Variants in DPH6 observed in about 807,000 individuals in gnomAD.
The protein encoded by DPH6 is diphthamine biosynthesis 6.
DPH6 carries 33 observed loss-of-function variants against 38.2 expected under a neutral mutation model. The ratio of observed to expected loss-of-function variants is 0.86; its 90% CI spans 0.65 to 1.15. DPH6 has a LOEUF of 1.15. Ranked by LOEUF, DPH6 falls within the 50% of genes most tolerant of loss-of-function variation. The pLI is 0.00. For missense variants in DPH6, 325 were observed against 320.0 expected (o/e 1.02, Z -0.12); for synonymous variants, 108 against 103.0 (o/e 1.05, Z -0.30).
intron 3 of DPH6, among the ~76,000 whole-genome samples, chr15:35,461,230 C>G (rs1053468763): frequency 4.6e-5 from 7 of 152,282 alleles, no homozygotes; most frequent in Non-Finnish European, 1.0e-4. Context: ...ACTACAGGCG[C>G]GTGCCACCAT....
At chr15:35,423,233 C>A (rs2053528106) in intron 5 of DPH6, among the ~76,000 whole-genome samples, 1 of 151,656 alleles carries the variant, frequency 6.6e-6, no homozygotes, top group Non-Finnish European at 1.5e-5. Flanking sequence ...TTCTGATACT[C>A]ATTCTAACAG....
intron 3 of DPH6, among the ~76,000 whole-genome samples, chr15:35,249,719 A>C (rs1454279474): frequency 6.6e-6 from 1 of 152,172 alleles, no homozygotes; most frequent in Non-Finnish European, 1.5e-5. Context: ...TTAGTTCTGA[A>C]TTTGAAGCTG....
chr15:35,491,681 G>T lies in DPH6; in HGVS notation c.313-36861C>A, dbSNP rs534538053. Among the ~76,000 whole-genome samples the T allele has an allele frequency of 1.3e-4, 19 of 147,408 alleles. No homozygotes were observed. In the South Asian group the frequency reaches 2.2e-3, roughly 17 times the overall value. On this transcript the variant is annotated intron_variant, in intron 3 of 8. Transcript: ENST00000256538. The stretch of plus-strand genomic sequence containing the variant: ...TATAGATCTAAAAAGAGATTTATGT[G>T]TATGTATATACACACATATAAATAT...
At chr15:35,372,330 A>G (rs1184105777) in intron 8 of DPH6, 127 bp from the exon 9 acceptor site, 6 of 788,050 alleles carry the variant, frequency 7.6e-6, no homozygotes, top group Non-Finnish European at 9.0e-6. Flanking sequence ...TATTTCAGGT[A>G]ACAGTATTGC....
At chr15:35,189,175 G>A in the DPH6 span, among the ~76,000 whole-genome samples, 1 of 152,078 alleles carries the variant, frequency 6.6e-6, no homozygotes, top group African/African-American at 2.4e-5. Context: ...ATAGCTTTAT[G>A]CTACAAGTGA....
At chr15:35,445,378 A>G (rs2053838223) in intron 5 of DPH6, among the ~76,000 whole-genome samples, 1 of 138,522 alleles carries the variant, frequency 7.2e-6, no homozygotes, top group Non-Finnish European at 1.5e-5. Flanking sequence ...AATTAGTAAT[A>G]GTCAAATCAT....
At chr15:35,377,686 T>C (rs2052799905) in intron 7 of DPH6, among the ~76,000 whole-genome samples, 1 of 152,134 alleles carries the variant, frequency 6.6e-6, no homozygotes, top group Non-Finnish European at 1.5e-5. Context: ...AATGACTTCA[T>C]CTGTCAATAG....
chr15:35,209,417 G>A, the DPH6 span, among the ~76,000 whole-genome samples: 1 of 151,970 alleles, frequency 6.6e-6, no homozygotes, highest in East Asian at 1.9e-4. Flanking sequence ...GATACCTGTG[G>A]GATAACTAAA....
At chr15:35,155,566 G>A in the DPH6 span, among the ~76,000 whole-genome samples, 1 of 152,192 alleles carries the variant, frequency 6.6e-6, no homozygotes, top group African/African-American at 2.4e-5. Flanking sequence ...AAGGGCAAAG[G>A]GAGACTACGC....
At chr15:35,279,566 G>A (rs534799551) in intron 3 of DPH6, among the ~76,000 whole-genome samples, 1 of 152,172 alleles carries the variant, frequency 6.6e-6, no homozygotes, top group South Asian at 2.1e-4. Flanking sequence ...CTGAGTTAAT[G>A]CAAGACCTGG....
intron 3 of DPH6, among the ~76,000 whole-genome samples, chr15:35,534,620 C>A (rs531108308): frequency 6.6e-6 from 1 of 151,500 alleles, no homozygotes; most frequent in South Asian, 2.1e-4. Context: ...ACAGAACATA[C>A]AACAAAAAGA....
intron 3 of DPH6, among the ~76,000 whole-genome samples, chr15:35,494,358 T>C (rs1306553172): frequency 6.6e-6 from 1 of 152,128 alleles, no homozygotes; most frequent in African/African-American, 2.4e-5. Flanking sequence ...TGTTTTCAAG[T>C]ATCAAACTTC....
In DPH6 at chr15:35,489,307, GA is replaced by G. The variant is rs561731898; in HGVS notation, c.313-34488del. On this transcript the variant is annotated intron_variant, in intron 3 of 8. Coordinates refer to ENST00000256538, the MANE Select transcript of DPH6 (RefSeq NM_080650.4). ...AAAGAAAATGGAAAGGATAAGCAAA[GA>G]GAAGCAGTGATGAGAAATAAGAATT... 2.3e-4 allele frequency: 229 copies of G among 983,446 alleles called. No individual in the cohort carries two copies. The African/African-American group carries it at 3.8e-3, about 16-fold the overall frequency. 60.9% of individuals were successfully genotyped at this position (983,446 alleles called of 1,614,324 possible).
intron 3 of DPH6, among the ~76,000 whole-genome samples, chr15:35,253,293 A>G (rs1331879426): frequency 6.6e-6 from 1 of 152,242 alleles, no homozygotes; most frequent in African/African-American, 2.4e-5. Context: ...TGAAGAATGC[A>G]GGGAAGGAAT....
intron 3 of DPH6, among the ~76,000 whole-genome samples, chr15:35,277,646 A>T (rs2051868023): frequency 6.6e-6 from 1 of 152,190 alleles, no homozygotes; most frequent in African/African-American, 2.4e-5. Context: ...TTAAATGGTT[A>T]TGACCAGAAT....
intron 5 of DPH6, among the ~76,000 whole-genome samples, chr15:35,425,926 A>G (rs567498036): frequency 6.6e-6 from 1 of 151,160 alleles, no homozygotes; most frequent in Non-Finnish European, 1.5e-5. Context: ...CAGTGAAGAA[A>G]ATGATATGCT....
chr15:35,185,460 A>G, the DPH6 span, among the ~76,000 whole-genome samples: 3 of 152,186 alleles, frequency 2.0e-5, no homozygotes, highest in Admixed American at 1.3e-4. Context: ...CTACAGCAAT[A>G]TAGAATTAAC....
intron 3 of DPH6, among the ~76,000 whole-genome samples, chr15:35,356,248 G>A (rs577271844): frequency 3.9e-5 from 6 of 152,266 alleles, no homozygotes; most frequent in Non-Finnish European, 8.8e-5. Context: ...TTAGCTCAGA[G>A]TAGTTTGATC....
At chr15:35,257,879 T>A (rs16960722) in intron 3 of DPH6, among the ~76,000 whole-genome samples, 3,627 of 152,120 alleles carry the variant, frequency 0.024, 134 homozygotes, top group African/African-American at 0.083. Flanking sequence ...GTGGTACTCT[T>A]AAACAATTTG....
Sources: gnomAD v4.1 joint callset for allele counts (sites outside exome capture counted in the v4.1 genomes callset) on GRCh38, gnomAD v4.1.1 for gene constraint, MANE v1.5 for transcripts, NCBI Gene and HGNC (gene_info 2026-07-23, HGNC 2026-07-21) for gene names.